The following MGAT4C variants were observed in gnomAD, a reference collection of about 807,000 sequenced individuals.
MGAT4C encodes the protein MGAT4 family member C, also known as alpha-1,3-mannosyl-glycoprotein 4-beta-N-acetylglucosaminyltransferase C.
MGAT4C carries 19 observed loss-of-function variants against 40.1 expected under a neutral mutation model. That is an observed-to-expected ratio of 0.47 (90% CI 0.33 to 0.70). The LOEUF is 0.70. Among genes scored for constraint, MGAT4C ranks in the 30% least tolerant of loss-of-function variants. MGAT4C has a pLI of 0.02. For synonymous variants in MGAT4C, 181 were observed against 187.1 expected (o/e 0.97, Z 0.27); for missense variants, 491 against 563.2 (o/e 0.87, Z 1.30).
chr12:86,770,357 A>G (rs1461313616), intron 1 of MGAT4C, among the ~76,000 whole-genome samples: 2 of 152,060 alleles, frequency 1.3e-5, no homozygotes, highest in Non-Finnish European at 2.9e-5. Context: ...TCCCAGTGTT[A>G]GTACAATACT....
At chr12:86,503,777 G>T (rs1461091231) in intron 2 of MGAT4C, among the ~76,000 whole-genome samples, 6 of 11,178 alleles carry the variant, frequency 5.4e-4, no homozygotes, top group Non-Finnish European at 5.6e-4. Context: ...TATATATATA[G>T]AGTTCTGCTC....
At chr12:86,427,388 A>C (rs2136264231) in intron 3 of MGAT4C, among the ~76,000 whole-genome samples, 1 of 152,062 alleles carries the variant, frequency 6.6e-6, no homozygotes, top group Non-Finnish European at 1.5e-5. Context: ...TAATTATAGT[A>C]TATATTTTCT....
intron 2 of MGAT4C, among the ~76,000 whole-genome samples, chr12:86,024,068 G>C (rs1251002078): frequency 2.0e-5 from 3 of 151,784 alleles, no homozygotes; most frequent in Non-Finnish European, 4.4e-5. Context: ...CATATTAATA[G>C]TGATAGTATG....
chr12:86,407,185 G>A (rs929437312), intron 3 of MGAT4C, among the ~76,000 whole-genome samples: 2 of 151,884 alleles, frequency 1.3e-5, no homozygotes, highest in African/African-American at 4.8e-5. Context: ...GATCTGCAAG[G>A]GTCCAAAATG....
chr12:86,587,433 C>T (rs144650396), intron 2 of MGAT4C, among the ~76,000 whole-genome samples: 8 of 151,704 alleles, frequency 5.3e-5, no homozygotes, highest in South Asian at 2.1e-4. Flanking sequence ...CTTGGCAATG[C>T]GGACTGTTTG....
chr12:86,628,633 A>G (rs369097233), intron 2 of MGAT4C, among the ~76,000 whole-genome samples: 26 of 152,290 alleles, frequency 1.7e-4, no homozygotes, highest in African/African-American at 5.5e-4. Context: ...AGAATTTCAT[A>G]TACACCCAAA....
intron 1 of MGAT4C, among the ~76,000 whole-genome samples, chr12:86,180,969 C>A (rs1235303128): frequency 1.3e-5 from 2 of 152,098 alleles, no homozygotes; most frequent in Non-Finnish European, 2.9e-5. Context: ...TGTGTCCCCA[C>A]CCAAGTCTCA....
chr12:86,805,427 C>T lies in MGAT4C; in HGVS notation c.-262+33239G>A, dbSNP rs145414163. Among the ~76,000 whole-genome samples the T allele has an allele frequency of 1.5e-3, 232 of 151,992 alleles. 1 individual carries two copies. Among genetic ancestry groups the T allele is most frequent in the African/African-American group, 5.4e-3 (223 of 41,486 alleles). On this transcript the variant is annotated intron_variant, in intron 1 of 7. Transcript: ENST00000548651. The stretch of plus-strand genomic sequence containing the variant: ...CTTGCCACCTTTATGTCTATGAGTA[C>T]CCAGTGTTTAGCTCCCATTTATGAG...
At chr12:86,730,514 A>G (rs1950890773) in intron 1 of MGAT4C, among the ~76,000 whole-genome samples, 1 of 152,104 alleles carries the variant, frequency 6.6e-6, no homozygotes, top group African/African-American at 2.4e-5. Context: ...GATAAAAGGA[A>G]TCAGCTTGAA....
At chr12:86,069,137 T>C (rs373846008) in intron 1 of MGAT4C, among the ~76,000 whole-genome samples, 15 of 142,244 alleles carry the variant, frequency 1.1e-4, no homozygotes, top group African/African-American at 3.7e-4. Flanking sequence ...CATTTTTTTC[T>C]GGAATTTGGT....
At chr12:86,116,559 C>A (rs985220569) in intron 1 of MGAT4C, among the ~76,000 whole-genome samples, 3 of 151,980 alleles carry the variant, frequency 2.0e-5, no homozygotes, top group African/African-American at 7.2e-5. Flanking sequence ...CCCTAGATTA[C>A]TGTAGAAAAT....
intron 1 of MGAT4C, among the ~76,000 whole-genome samples, chr12:86,086,309 T>C (rs1484234121): frequency 1.3e-5 from 2 of 152,034 alleles, no homozygotes; most frequent in Non-Finnish European, 2.9e-5. Context: ...AAACACTGCA[T>C]ATTCTCAGTC....
chr12:86,671,508 T>C (rs1441065779), intron 2 of MGAT4C, among the ~76,000 whole-genome samples: 3 of 152,046 alleles, frequency 2.0e-5, no homozygotes, highest in African/African-American at 4.8e-5. Context: ...GATTTCAAGA[T>C]AACACAGAGA....
intron 1 of MGAT4C, among the ~76,000 whole-genome samples, chr12:86,739,873 C>CAT (rs1400745423): frequency 6.0e-5 from 9 of 150,148 alleles, no homozygotes; most frequent in African/African-American, 1.2e-4. Context: ...CACACACACA[C>CAT]ATATATATAC....
At chr12:86,055,956 T>C (rs1173749619) in intron 1 of MGAT4C, among the ~76,000 whole-genome samples, 1 of 152,118 alleles carries the variant, frequency 6.6e-6, no homozygotes, top group Non-Finnish European at 1.5e-5. Context: ...ATATATTCAT[T>C]TTCAGAGAAA....
At chr12:86,307,658 G>A (rs943508062) in intron 4 of MGAT4C, among the ~76,000 whole-genome samples, 7 of 150,248 alleles carry the variant, frequency 4.7e-5, no homozygotes, top group Non-Finnish European at 1.0e-4. Context: ...TTTAAAGGCA[G>A]TATTTTTCAG....
chr12:86,373,950 ACATTTAC>A, intron 3 of MGAT4C, among the ~76,000 whole-genome samples: 1 of 152,084 alleles, frequency 6.6e-6, no homozygotes. Flanking sequence ...TTTCATTCTT[ACATTTAC>A]CAAATATACT....
intron 1 of MGAT4C, among the ~76,000 whole-genome samples, chr12:86,163,476 G>A (rs578186411): frequency 1.4e-4 from 21 of 152,254 alleles, no homozygotes; most frequent in African/African-American, 4.6e-4. Flanking sequence ...ATAGGAGCGA[G>A]CCACTGTGCC....
chr12:86,452,677 G>A (rs1957445668), intron 2 of MGAT4C, among the ~76,000 whole-genome samples: 1 of 151,850 alleles, frequency 6.6e-6, no homozygotes, highest in Non-Finnish European at 1.5e-5. Context: ...TTAAGTAATA[G>A]CATAGTCACT....
Sources: allele counts gnomAD v4.1 joint callset (sites outside exome capture counted in the v4.1 genomes callset), GRCh38; gene constraint gnomAD v4.1.1; transcripts MANE v1.5; gene names NCBI Gene and HGNC (gene_info 2026-07-23, HGNC 2026-07-21).